GADL1: variants seen among roughly 807,000 people sequenced by gnomAD.
GADL1 encodes the protein GAD like acidic amino acid decarboxylase 1.
GADL1 carries 71 observed loss-of-function variants against 69.5 expected under a neutral mutation model. The observed-to-expected ratio is 1.02, with a 90% confidence interval of 0.84 to 1.25. The LOEUF is 1.25. Ranked by LOEUF, GADL1 falls within the 50% of genes most tolerant of loss-of-function variation. The pLI is 0.00. For synonymous variants in GADL1, 254 were observed against 214.4 expected, an observed-to-expected ratio of 1.18 and a Z score of -1.62; for missense variants, 737 against 631.8, an observed-to-expected ratio of 1.17 and a Z score of -1.79.
At chr3:30,801,179 T>C in intron 11 of GADL1, 91 bp from the exon 12 acceptor site, 1 of 907,014 alleles carries the variant, frequency 1.1e-6, no homozygotes, top group Non-Finnish European at 1.7e-6. Context: ...ATGTGTATAT[T>C]CTACCTGTGC....
At chr3:30,894,434 T>C (rs982312324) in intron 1 of GADL1, 144 bp downstream of exon 1, 9 of 565,416 alleles carry the variant, frequency 1.6e-5, no homozygotes, top group Non-Finnish European at 2.5e-5. Context: ...GGAGAAAAAA[T>C]CCATGAAGAT....
At chr3:30,824,692 A>G (rs552864318) in intron 11 of GADL1, among the ~76,000 whole-genome samples, 1 of 152,034 alleles carries the variant, frequency 6.6e-6, no homozygotes, top group African/African-American at 2.4e-5. Context: ...ACAAGAAAAT[A>G]CATACTATAT....
intron 12 of GADL1, among the ~76,000 whole-genome samples, chr3:30,791,942 C>T (rs1385993265): frequency 1.3e-5 from 2 of 152,182 alleles, no homozygotes; most frequent in African/African-American, 4.8e-5. Context: ...CCCCTTTCAC[C>T]TTCTGCCATG....
At chr3:30,885,735 A>T (rs1247648991) in intron 1 of GADL1, among the ~76,000 whole-genome samples, 1 of 151,836 alleles carries the variant, frequency 6.6e-6, no homozygotes, top group East Asian at 1.9e-4. Context: ...TTTTTATTTT[A>T]AATTTTATTT....
At chr3:30,751,543 G>A (rs934507496) in intron 14 of GADL1, among the ~76,000 whole-genome samples, 6 of 150,588 alleles carry the variant, frequency 4.0e-5, no homozygotes, top group African/African-American at 1.5e-4. Context: ...AAATAGGCAA[G>A]CTGGAAATAT....
intron 14 of GADL1, among the ~76,000 whole-genome samples, chr3:30,734,398 C>G (rs1695510938): frequency 6.6e-6 from 1 of 152,124 alleles, no homozygotes; most frequent in Non-Finnish European, 1.5e-5. Flanking sequence ...ATTATTCTGC[C>G]TGTAAATATG....
rs1284244533 is a variant in GADL1 at position 30,827,350 on chromosome 3, G to GCCCAGTTCAAGCCCTGCATTAGGACCA, written c.1050+6502_1050+6503insTGGTCCTAATGCAGGGCTTGAACTGGG. Among the ~76,000 whole-genome samples the GCCCAGTTCAAGCCCTGCATTAGGACCA allele has an allele frequency of 2.1e-3, 321 of 151,796 alleles. 1 individual carries two copies. The highest frequency in any genetic ancestry group is 3.5e-3 in the Non-Finnish European group (236 of 67,814). ...GACCAGTACACATTTATGACTAGGT[G>GCCCAGTTCAAGCCCTGCATTAGGACCA]GTAACTGATGATTGAGATCAGATAG... On this transcript the variant is annotated intron_variant, in intron 11 of 14. Coordinates refer to ENST00000282538, the MANE Select transcript of GADL1 (RefSeq NM_207359.3).
chr3:30,785,598 G>A (rs566742652), intron 13 of GADL1, among the ~76,000 whole-genome samples: 80 of 152,086 alleles, frequency 5.3e-4, no homozygotes, highest in Non-Finnish European at 9.0e-4. Flanking sequence ...GGCTGGTCTC[G>A]AACTCCTCAC....
chr3:30,749,528 T>C (rs974361106), intron 14 of GADL1, among the ~76,000 whole-genome samples: 6 of 152,260 alleles, frequency 3.9e-5, no homozygotes, highest in Non-Finnish European at 8.8e-5. Flanking sequence ...CTTAGGACAT[T>C]TCTTCAAGAA....
intron 1 of GADL1, among the ~76,000 whole-genome samples, chr3:30,875,291 A>AG (rs755371077): frequency 2.0e-4 from 30 of 152,024 alleles, no homozygotes; most frequent in Admixed American, 1.1e-3. Context: ...CATACTAGGA[A>AG]GAAAGGATTC....
At chr3:30,745,207 A>G (rs1032423463) in intron 14 of GADL1, among the ~76,000 whole-genome samples, 7 of 152,240 alleles carry the variant, frequency 4.6e-5, no homozygotes, top group African/African-American at 1.2e-4. Flanking sequence ...GTAGATTATT[A>G]GTGAAGGCCT....
chr3:30,758,191 C>A (rs1194660520), intron 14 of GADL1, among the ~76,000 whole-genome samples: 1 of 152,180 alleles, frequency 6.6e-6, no homozygotes, highest in Non-Finnish European at 1.5e-5. Context: ...CATTCTTTGC[C>A]TTTGTAGTAC....
chr3:30,844,178 T>C lies in GADL1; in HGVS notation c.786+32A>G, dbSNP rs143151784. On this transcript the variant is annotated intron_variant, in intron 8 of 14. Transcript: ENST00000282538. ...GCGGGCGTGCGCGCACACACACACGTTCTCTCTCCCTCTCGCTTTCTCCCC... is the reference window on the plus strand; with the variant it reads ...GCGGGCGTGCGCGCACACACACACGCTCTCTCTCCCTCTCGCTTTCTCCCC... 330 of 1,581,884 alleles carry C rather than the reference T, an allele frequency of 2.1e-4. 2 individuals are homozygous for C. The African/African-American group carries it at 4.2e-3, about 20-fold the overall frequency.
At chr3:30,777,386 G>A (rs1366584213) in intron 14 of GADL1, among the ~76,000 whole-genome samples, 1 of 152,158 alleles carries the variant, frequency 6.6e-6, no homozygotes, top group Non-Finnish European at 1.5e-5. Flanking sequence ...TTTTAATGGT[G>A]CTAGCCCATA....
intron 13 of GADL1, among the ~76,000 whole-genome samples, chr3:30,785,703 C>T (rs912694191): frequency 3.9e-5 from 6 of 152,044 alleles, no homozygotes; most frequent in Non-Finnish European, 8.8e-5. Context: ...AGCACAGGTT[C>T]CAAGACTGGA....
At chr3:30,862,540 C>A (rs1003905711) in intron 1 of GADL1, among the ~76,000 whole-genome samples, 1 of 151,980 alleles carries the variant, frequency 6.6e-6, no homozygotes, top group Non-Finnish European at 1.5e-5. Flanking sequence ...TAGGATGAAG[C>A]TTTGGGCAGA....
chr3:30,893,101 C>T (rs1345241762), intron 1 of GADL1, among the ~76,000 whole-genome samples: 2 of 152,192 alleles, frequency 1.3e-5, no homozygotes, highest in African/African-American at 4.8e-5. Context: ...AGCGATCTGC[C>T]CACCTCGGCC....
chr3:30,873,078 G>A (rs1698514980), intron 1 of GADL1, among the ~76,000 whole-genome samples: 1 of 151,888 alleles, frequency 6.6e-6, no homozygotes, highest in Non-Finnish European at 1.5e-5. Flanking sequence ...AAGAGTCCAG[G>A]GCAGTGCTGC....
intron 14 of GADL1, among the ~76,000 whole-genome samples, chr3:30,762,849 C>G (rs1696174030): frequency 7.2e-6 from 1 of 139,498 alleles, no homozygotes. Flanking sequence ...GTTAGTCTTT[C>G]TTTTCCTTGC....
Sources: allele counts gnomAD v4.1 joint callset (sites outside exome capture counted in the v4.1 genomes callset), GRCh38; gene constraint gnomAD v4.1.1; transcripts MANE v1.5; gene names NCBI Gene and HGNC (gene_info 2026-07-23, HGNC 2026-07-21).